Variants in TP53BP2 observed in about 807,000 individuals in gnomAD.
The protein encoded by TP53BP2 is apoptosis-stimulating of p53 protein 2.
In TP53BP2, 62 loss-of-function variants were observed where a neutral mutation model predicts 126.2. The ratio of observed to expected loss-of-function variants is 0.49; its 90% confidence interval spans 0.40 to 0.61. The LOEUF (loss-of-function observed/expected upper bound fraction) is 0.61. Among genes scored for constraint, TP53BP2 ranks in the 20% least tolerant of loss-of-function variants. The pLI is 0.00. For synonymous variants in TP53BP2, 485 were observed against 502.9 expected, an observed-to-expected ratio of 0.96 and a Z score of 0.48; for missense variants, 1,215 against 1,402.8, an observed-to-expected ratio of 0.87 and a Z score of 2.14.
chr1:223,831,399 CAAAAA>C (rs530821786), intron 1 of TP53BP2, among the ~76,000 whole-genome samples: 2 of 64,970 alleles, frequency 3.1e-5, no homozygotes, highest in Admixed American at 1.8e-4. Context: ...CGCTGTCTCC[CAAAAA>C]AAAAAAAAAA....
At chr1:223,814,434 A>T in intron 2 of TP53BP2, 81 bp from the exon 3 acceptor site, 1 of 1,013,762 alleles carries the variant, frequency 9.9e-7, no homozygotes, top group Non-Finnish European at 1.5e-6. Context: ...CCTTCATGCA[A>T]ATTATACATT....
rs752443788 is a variant in TP53BP2 at position 223,793,369 on chromosome 1, G to C, written c.2796C>G (p.Pro932=). ...IAHGMRVKFN[P]LALLLDSSLE... is the part of the protein sequence containing the mutation. ...AAGACGAATCTAGCAGTAAAGCAAG[G>C]GGGTTGAATTTCACCCTCATTCCAT... is the stretch of plus-strand genomic sequence containing the variant. Residue 932 remains proline (P), a synonymous_variant, in exon 14 of 18, where the codon CCC becomes CCG. Coordinates refer to ENST00000343537, the MANE Select transcript of TP53BP2 (RefSeq NM_001031685.3). 6.2e-7 allele frequency: 1 copy of C among 1,611,738 alleles called. No homozygotes were observed.
Position 223,789,322 on chromosome 1 carries a change from A to G in TP53BP2, c.2997-148T>C, listed in dbSNP as rs1259893942. 4.7e-6 allele frequency: 4 copies of G among 854,086 alleles called. No individual in the cohort carries two copies. In the African/African-American group the frequency reaches 6.8e-5, roughly 15 times the overall value. 52.9% of individuals were successfully genotyped at this position (854,086 alleles called of 1,614,324 possible). A position where few individuals can be genotyped will look rare whatever the true frequency, so the allele number is the denominator to read the frequency against. Reference sequence around the variant, plus strand: ...AAACAGTTTTTTAAAAACCAGTTCAACACAGATGATTGAACCCATCAAAGA... The same window carrying G: ...AAACAGTTTTTTAAAAACCAGTTCAGCACAGATGATTGAACCCATCAAAGA... On this transcript the variant is annotated intron_variant, in intron 15 of 17. Transcript: ENST00000343537.
At chr1:223,803,766 A>C (rs1198205760) in intron 6 of TP53BP2, among the ~76,000 whole-genome samples, 2 of 152,238 alleles carry the variant, frequency 1.3e-5, no homozygotes, top group African/African-American at 4.8e-5. Context: ...TAAACCACAA[A>C]CATTCTGAAT....
chr1:223,838,299 T>C (rs879075697), intron 1 of TP53BP2, among the ~76,000 whole-genome samples: 2 of 152,218 alleles, frequency 1.3e-5, no homozygotes, highest in Admixed American at 1.3e-4. Context: ...TAAATATTTG[T>C]TGAGCAGATG....
Position 223,845,636 on chromosome 1 carries a change from G to A in TP53BP2, c.27+18C>T, listed in dbSNP as rs1290239305. 1 of 1,550,260 alleles carries A rather than the reference G, an allele frequency of 6.5e-7. No individual in the cohort carries two copies. The highest frequency in any genetic ancestry group is 8.6e-7 in the Non-Finnish European group (1 of 1,157,080). Reference sequence around the variant, plus strand: ...CGCACACTTCCGGGCCCGACGCCCTGGCCGCTCGCCCACTTACCGGCATCA... The same window carrying A: ...CGCACACTTCCGGGCCCGACGCCCTAGCCGCTCGCCCACTTACCGGCATCA... On this transcript the variant is annotated intron_variant, in intron 1 of 17. Transcript: ENST00000343537.
intron 16 of TP53BP2, among the ~76,000 whole-genome samples, chr1:223,788,164 C>T (rs1662034629): frequency 6.6e-6 from 1 of 151,994 alleles, no homozygotes; most frequent in Admixed American, 6.5e-5. Flanking sequence ...TCTGACCCCT[C>T]TCTCTTCATA....
At chr1:223,845,319 C>A in intron 1 of TP53BP2, 1 of 903,854 alleles carries the variant, frequency 1.1e-6, no homozygotes, top group Non-Finnish European at 1.3e-6. Flanking sequence ...GTATTCTTGA[C>A]CTTCAAGAAC....
chr1:223,780,726 A>G lies in TP53BP2; in HGVS notation c.*127T>C, dbSNP rs1016297244. On this transcript the variant is annotated 3_prime_UTR_variant, in exon 18 of 18. Transcript: ENST00000343537. Reference sequence around the variant, plus strand: ...CAATCCTTCATTCTCTTCTAGAGACATTCTTCATCGCTTTCAAGCTACATT... The same window carrying G: ...CAATCCTTCATTCTCTTCTAGAGACGTTCTTCATCGCTTTCAAGCTACATT... 7.5e-5 allele frequency: 64 copies of G among 854,740 alleles called. 2 individuals carry two copies. In the South Asian group the frequency reaches 9.0e-4, roughly 12 times the overall value. 52.9% of individuals were successfully genotyped at this position (854,740 alleles called of 1,614,324 possible).
chr1:223,812,643 G>A (rs1222125), intron 3 of TP53BP2, among the ~76,000 whole-genome samples: 5 of 151,944 alleles, frequency 3.3e-5, no homozygotes, highest in South Asian at 2.1e-4. Flanking sequence ...CACTGCAACC[G>A]CCAACTCCCT....
intron 1 of TP53BP2, among the ~76,000 whole-genome samples, chr1:223,831,480 A>AC (rs1553263390): frequency 3.1e-5 from 1 of 32,464 alleles, no homozygotes; most frequent in African/African-American, 8.8e-5. Flanking sequence ...AAAAAAAAAA[A>AC]ATATATATAT....
Position 223,792,526 on chromosome 1 carries a change from T to A in TP53BP2, c.2863-4A>T, listed in dbSNP as rs774308058. The A allele has an allele frequency of 6.8e-6, 11 of 1,613,724 alleles. No individual in the cohort carries two copies. Among genetic ancestry groups the A allele is most frequent in the Non-Finnish European group, 9.3e-6 (11 of 1,179,796 alleles). ...TGGGGAGGCTTGGGTCATCAACCTA[T>A]ATCAAGAAGAAGGGTGAGCATCACT... is the stretch of plus-strand genomic sequence containing the variant. On this transcript the variant is annotated splice_region_variant and splice_polypyrimidine_tract_variant and intron_variant, in intron 14 of 17. Coordinates refer to ENST00000343537, the MANE Select transcript of TP53BP2 (RefSeq NM_001031685.3).
chr1:223,823,721 C>T (rs552595047), intron 1 of TP53BP2, among the ~76,000 whole-genome samples: 2 of 152,310 alleles, frequency 1.3e-5, no homozygotes, highest in Non-Finnish European at 2.9e-5. Context: ...CAGAAGTACA[C>T]TCGTCTGCTG....
chr1:223,797,835 T>TA (rs1003595640), intron 12 of TP53BP2, among the ~76,000 whole-genome samples: 6 of 152,080 alleles, frequency 3.9e-5, no homozygotes, highest in Admixed American at 3.9e-4. Flanking sequence ...TATGTCTCTC[T>TA]ATATGTATAT....
chr1:223,834,933 T>C lies in TP53BP2; in HGVS notation c.27+10721A>G, dbSNP rs118112351. The C allele has an allele frequency of 3.1e-4, 286 of 914,192 alleles. 6 individuals carry two copies. The East Asian group carries it at 0.021, about 67-fold the overall frequency. 56.6% of individuals were successfully genotyped at this position (914,192 alleles called of 1,614,324 possible). On this transcript the variant is annotated intron_variant, in intron 1 of 17. Coordinates refer to ENST00000343537, the MANE Select transcript of TP53BP2 (RefSeq NM_001031685.3). ...CTGTCCTACTGGTCTATACATTCTTTAGTACACATGTTTTGGTTCTTAAAT... is the reference window on the plus strand; with the variant it reads ...CTGTCCTACTGGTCTATACATTCTTCAGTACACATGTTTTGGTTCTTAAAT...
At chr1:223,802,640 A>C in intron 8 of TP53BP2, 91 bp downstream of exon 8, 1 of 1,437,206 alleles carries the variant, frequency 7.0e-7, no homozygotes, top group Non-Finnish European at 9.5e-7. Context: ...ACACTGAGTA[A>C]TGATTCTGAA....
intron 17 of TP53BP2, among the ~76,000 whole-genome samples, chr1:223,783,128 A>C (rs1264613986): frequency 6.6e-6 from 1 of 152,244 alleles, no homozygotes; most frequent in Non-Finnish European, 1.5e-5. Flanking sequence ...TAGAAGCTCC[A>C]TGTGGGTGGA....
At chr1:223,790,823 C>CT (rs1338777776) in intron 15 of TP53BP2, among the ~76,000 whole-genome samples, 1 of 151,988 alleles carries the variant, frequency 6.6e-6, no homozygotes, top group Non-Finnish European at 1.5e-5. Flanking sequence ...CCAGGCTGAT[C>CT]TCAAACTCCT....
Position 223,780,829 on chromosome 1 carries a change from T to C in TP53BP2, c.*24A>G. The C allele has an allele frequency of 6.2e-7, 1 of 1,611,182 alleles. No homozygotes were observed. Among genetic ancestry groups the C allele is most frequent in the Non-Finnish European group, 8.5e-7 (1 of 1,179,120 alleles). ...TTCTTAACAGAGATTAATTCTTCATTGACTAAAATTCTGTGTGGAAGTTTC... is the reference window on the plus strand; with the variant it reads ...TTCTTAACAGAGATTAATTCTTCATCGACTAAAATTCTGTGTGGAAGTTTC... On this transcript the variant is annotated 3_prime_UTR_variant, in exon 18 of 18. Transcript: ENST00000343537.
Sources: gnomAD v4.1 joint callset for allele counts (sites outside exome capture counted in the v4.1 genomes callset) on GRCh38, gnomAD v4.1.1 for gene constraint, MANE v1.5 for transcripts, NCBI Gene and HGNC (gene_info 2026-07-23, HGNC 2026-07-21) for gene names.